KAT2B: variants seen among roughly 807,000 people sequenced by gnomAD.
The protein encoded by KAT2B is lysine acetyltransferase 2B, also known as histone acetyltransferase KAT2B.
A neutral mutation model predicts 105.9 loss-of-function variants in KAT2B; 36 were observed. That is an observed-to-expected ratio of 0.34 (90% confidence interval 0.26 to 0.45). KAT2B has a LOEUF of 0.45. Ranked by LOEUF, KAT2B falls within the 20% of genes least tolerant of loss-of-function variation. The probability of loss-of-function intolerance (pLI) is 1.00; values close to 1 mark genes in which losing one functional copy is unlikely to be tolerated. For synonymous variants in KAT2B, 397 were observed against 377.9 expected, an observed-to-expected ratio of 1.05 and a Z score of -0.59; for missense variants, 820 against 1,021.6, an observed-to-expected ratio of 0.80 and a Z score of 2.69.
At chr3:20,043,555 G>T (rs1173699403) in intron 1 of KAT2B, among the ~76,000 whole-genome samples, 2 of 152,086 alleles carry the variant, frequency 1.3e-5, no homozygotes, top group African/African-American at 4.8e-5. Context: ...GTGGGGTGGG[G>T]TGAAGCTTCT....
At chr3:20,071,120 A>T (rs1698314575) in intron 1 of KAT2B, among the ~76,000 whole-genome samples, 2 of 152,200 alleles carry the variant, frequency 1.3e-5, no homozygotes, top group South Asian at 4.1e-4. Context: ...ACATTTAAAC[A>T]TATAATTTCA....
chr3:20,116,575 C>T (rs922486199), intron 7 of KAT2B, among the ~76,000 whole-genome samples: 1 of 152,150 alleles, frequency 6.6e-6, no homozygotes, highest in Non-Finnish European at 1.5e-5. Flanking sequence ...TATGCAGCAA[C>T]ATTTGAGAAT....
chr3:20,101,742 G>A (rs1170430061), intron 5 of KAT2B, among the ~76,000 whole-genome samples: 1 of 152,122 alleles, frequency 6.6e-6, no homozygotes, highest in East Asian at 1.9e-4. Context: ...AGATTTCTAT[G>A]ATTGTACCAA....
intron 17 of KAT2B, 68 bp from the exon 18 acceptor site, chr3:20,152,264 A>T: frequency 9.4e-7 from 1 of 1,060,510 alleles, no homozygotes; most frequent in East Asian, 2.4e-5. Context: ...TTCCTTTCCC[A>T]GTCCCAGTTT....
chr3:20,048,798 C>T (rs918915245), intron 1 of KAT2B, among the ~76,000 whole-genome samples: 2 of 152,192 alleles, frequency 1.3e-5, no homozygotes, highest in Non-Finnish European at 2.9e-5. Context: ...GGCACATTGG[C>T]TACTCACACA....
intron 3 of KAT2B, among the ~76,000 whole-genome samples, chr3:20,099,497 G>A (rs1353384679): frequency 6.6e-6 from 1 of 152,144 alleles, no homozygotes; most frequent in Non-Finnish European, 1.5e-5. Context: ...TTGCATACCA[G>A]GCCTCTGGGT....
At chr3:20,136,565 T>G (rs773379452) in intron 11 of KAT2B, among the ~76,000 whole-genome samples, 1 of 152,144 alleles carries the variant, frequency 6.6e-6, no homozygotes, top group South Asian at 2.1e-4. Context: ...GATTCTCAAA[T>G]ACCTTAAAGA....
chr3:20,087,562 T>G (rs1297230517), intron 2 of KAT2B, among the ~76,000 whole-genome samples: 3 of 152,130 alleles, frequency 2.0e-5, no homozygotes, highest in Non-Finnish European at 4.4e-5. Context: ...ATAATTACAA[T>G]GTATTATTAT....
chr3:20,077,567 C>T (rs1698441087), intron 2 of KAT2B, among the ~76,000 whole-genome samples: 1 of 152,094 alleles, frequency 6.6e-6, no homozygotes, highest in South Asian at 2.1e-4. Context: ...TAAGCAAAAA[C>T]AATGCAGAAT....
At chr3:20,106,239 A>G (rs992060943) in intron 5 of KAT2B, among the ~76,000 whole-genome samples, 3 of 152,260 alleles carry the variant, frequency 2.0e-5, no homozygotes, top group Non-Finnish European at 2.9e-5. Context: ...TGCAAATACC[A>G]TCTTTATTAG....
chr3:20,044,450 A>G (rs1287667378), intron 1 of KAT2B, among the ~76,000 whole-genome samples: 2 of 152,068 alleles, frequency 1.3e-5, no homozygotes, highest in African/African-American at 4.8e-5. Context: ...AAAATAAAGT[A>G]GATCTGACCA....
intron 12 of KAT2B, among the ~76,000 whole-genome samples, chr3:20,139,112 G>T (rs574901203): frequency 1.6e-4 from 24 of 151,584 alleles, no homozygotes; most frequent in African/African-American, 5.6e-4. Context: ...AGAGAATCTT[G>T]CTATGTTGCC....
chr3:20,097,100 C>T (rs927799098), intron 3 of KAT2B, among the ~76,000 whole-genome samples: 1 of 152,016 alleles, frequency 6.6e-6, no homozygotes, highest in Non-Finnish European at 1.5e-5. Flanking sequence ...TCATTCAGCT[C>T]GAACCCTGGC....
intron 17 of KAT2B, among the ~76,000 whole-genome samples, chr3:20,151,171 G>A (rs1034138419): frequency 3.3e-5 from 5 of 152,186 alleles, no homozygotes; most frequent in Non-Finnish European, 5.9e-5. Flanking sequence ...AAAGTTGAAA[G>A]TTGAATTTAC....
intron 8 of KAT2B, among the ~76,000 whole-genome samples, chr3:20,121,614 G>A (rs1699308553): frequency 1.3e-5 from 2 of 151,948 alleles, no homozygotes; most frequent in Admixed American, 1.3e-4. Flanking sequence ...AAGATAAAGT[G>A]TGTCATTTTA....
At chr3:20,084,609 A>T (rs1303186785) in intron 2 of KAT2B, among the ~76,000 whole-genome samples, 1 of 152,192 alleles carries the variant, frequency 6.6e-6, no homozygotes, top group Non-Finnish European at 1.5e-5. Context: ...GCAAAAAAAA[A>T]TCACAAAACC....
intron 1 of KAT2B, among the ~76,000 whole-genome samples, chr3:20,046,734 G>A (rs1420288269): frequency 6.6e-6 from 1 of 152,176 alleles, no homozygotes; most frequent in African/African-American, 2.4e-5. Flanking sequence ...CAACACCTTT[G>A]TATTTGTCAG....
chr3:20,068,999 A>G (rs1698272534), intron 1 of KAT2B, among the ~76,000 whole-genome samples: 2 of 152,220 alleles, frequency 1.3e-5, no homozygotes, highest in South Asian at 2.1e-4. Flanking sequence ...CTCTGACTCT[A>G]CAAAATCTTA....
chr3:20,085,641 G>A (rs1384459253), intron 2 of KAT2B, among the ~76,000 whole-genome samples: 1 of 151,464 alleles, frequency 6.6e-6, no homozygotes, highest in Non-Finnish European at 1.5e-5. Flanking sequence ...CTCCCGAGTC[G>A]CTGGGACTAC....
Sources: gnomAD v4.1 joint callset for allele counts (sites outside exome capture counted in the v4.1 genomes callset) on GRCh38, gnomAD v4.1.1 for gene constraint, MANE v1.5 for transcripts, NCBI Gene and HGNC (gene_info 2026-07-23, HGNC 2026-07-21) for gene names.